Variants in TAOK1 observed in about 807,000 individuals in gnomAD.
TAOK1 encodes the protein serine/threonine-protein kinase TAO1.
TAOK1 carries 21 observed loss-of-function variants against 138.3 expected under a neutral mutation model. The ratio of observed to expected loss-of-function variants is 0.15; its 90% CI spans 0.11 to 0.22. The LOEUF (loss-of-function observed/expected upper bound fraction) is 0.22. Among genes scored for constraint, TAOK1 ranks in the 10% least tolerant of loss-of-function variants. TAOK1 has a pLI of 1.00. For synonymous variants in TAOK1, 361 were observed against 398.4 expected (o/e 0.91, Z 1.12); for missense variants, 651 against 1,227.7 (o/e 0.53, Z 7.02).
At chr17:29,391,499 A>ACCCTTCC (rs1397144247) in intron 1 of TAOK1, among the ~76,000 whole-genome samples, 6 of 151,834 alleles carry the variant, frequency 4.0e-5, no homozygotes, top group Non-Finnish European at 8.8e-5. Flanking sequence ...CTCTCCCCGT[A>ACCCTTCC]CCCTTCCCCC....
At chr17:29,409,236 T>G (rs999460105) in intron 1 of TAOK1, among the ~76,000 whole-genome samples, 2 of 150,904 alleles carry the variant, frequency 1.3e-5, no homozygotes, top group Non-Finnish European at 2.9e-5. Context: ...GATTGATAAT[T>G]GAATTATTTC....
At chr17:29,452,457 A>G (rs1460600533) in intron 2 of TAOK1, among the ~76,000 whole-genome samples, 3 of 152,202 alleles carry the variant, frequency 2.0e-5, no homozygotes, top group African/African-American at 7.2e-5. Flanking sequence ...ATTATTTGAC[A>G]GATATACCAA....
rs1161182320 is a variant in TAOK1 at position 29,551,290 on chromosome 17, AATG to A, written c.*8274_*8276del. 1.3e-5 allele frequency: 2 copies of A among 152,122 alleles called. No homozygotes were observed. The highest frequency in any genetic ancestry group is 1.5e-5 in the Non-Finnish European group (1 of 68,030). 9.4% of individuals were successfully genotyped at this position (152,122 alleles called of 1,614,324 possible). The stretch of plus-strand genomic sequence containing the variant: ...TCTAGTTCCCTTTGGTGAAGGGAAA[AATG>A]ATGATTTTGCAAGACCTAGATTTTG... On this transcript the variant is annotated 3_prime_UTR_variant, in exon 20 of 20. Coordinates refer to ENST00000261716, the MANE Select transcript of TAOK1 (RefSeq NM_020791.4).
chr17:29,503,112 G>T (rs574636906), intron 13 of TAOK1, among the ~76,000 whole-genome samples: 2 of 152,178 alleles, frequency 1.3e-5, no homozygotes, highest in South Asian at 4.1e-4. Flanking sequence ...TAAGAAGAAT[G>T]TGGGCCGGGC....
intron 1 of TAOK1, among the ~76,000 whole-genome samples, chr17:29,431,359 T>C (rs984029737): frequency 4.6e-5 from 7 of 152,092 alleles, no homozygotes; most frequent in Admixed American, 1.3e-4. Context: ...GGAGGATCAC[T>C]TGAGCTCAGG....
chr17:29,423,514 G>C (rs1468751264), intron 1 of TAOK1, among the ~76,000 whole-genome samples: 1 of 151,824 alleles, frequency 6.6e-6, no homozygotes, highest in Non-Finnish European at 1.5e-5. Flanking sequence ...ACTGCGCCCA[G>C]CCTCTTCTAA....
chr17:29,430,001 A>T (rs1169699161), intron 1 of TAOK1, among the ~76,000 whole-genome samples: 3 of 152,206 alleles, frequency 2.0e-5, no homozygotes, highest in Admixed American at 2.0e-4. Context: ...AACTATAATA[A>T]TGTTGAATTT....
chr17:29,489,812 C>A, intron 9 of TAOK1, 55 bp downstream of exon 9: 1 of 1,278,090 alleles, frequency 7.8e-7, no homozygotes, highest in South Asian at 1.5e-5. Flanking sequence ...AATGCTTTTT[C>A]ATAATCTGTT....
At chr17:29,528,756 A>G (rs1337195635) in intron 17 of TAOK1, among the ~76,000 whole-genome samples, 1 of 142,578 alleles carries the variant, frequency 7.0e-6, no homozygotes, top group Non-Finnish European at 1.5e-5. Context: ...AGGAAAATCG[A>G]TTGAACCCAG....
At chr17:29,421,857 C>T (rs1399568331) in intron 1 of TAOK1, among the ~76,000 whole-genome samples, 1 of 151,984 alleles carries the variant, frequency 6.6e-6, no homozygotes, top group Admixed American at 6.6e-5. Context: ...CGCCACTCGG[C>T]TTCCTATAGT....
intron 9 of TAOK1, among the ~76,000 whole-genome samples, chr17:29,490,366 A>G (rs1264437421): frequency 6.6e-6 from 1 of 152,170 alleles, no homozygotes; most frequent in Non-Finnish European, 1.5e-5. Flanking sequence ...ATTTTTATCA[A>G]CAGTATAAAA....
At chr17:29,440,569 A>T (rs9914752) in intron 1 of TAOK1, among the ~76,000 whole-genome samples, 94,107 of 151,536 alleles carry the variant, frequency 0.62, 30,426 homozygotes, top group East Asian at 0.97. Context: ...TGGTTATATC[A>T]ATTACTTTTT....
At chr17:29,508,224 C>T in intron 14 of TAOK1, 92 bp downstream of exon 14, 1 of 1,095,878 alleles carries the variant, frequency 9.1e-7, no homozygotes. Context: ...CGTATCTGTT[C>T]CCGTGAACCA....
intron 12 of TAOK1, among the ~76,000 whole-genome samples, chr17:29,502,372 G>C (rs2031545871): frequency 6.6e-6 from 1 of 152,244 alleles, no homozygotes; most frequent in Non-Finnish European, 1.5e-5. Context: ...TGAAGCTACA[G>C]TGAGCTATGG....
At chr17:29,530,737 A>G (rs1194340646) in intron 18 of TAOK1, 118 bp downstream of exon 18, 5 of 825,530 alleles carry the variant, frequency 6.1e-6, no homozygotes, top group Non-Finnish European at 7.9e-6. Flanking sequence ...AAGCTTGGGA[A>G]ATGTGGTGGT....
chr17:29,504,538 C>T (rs992016242), intron 13 of TAOK1, among the ~76,000 whole-genome samples: 4 of 151,700 alleles, frequency 2.6e-5, no homozygotes, highest in African/African-American at 4.8e-5. Flanking sequence ...GGCGTGATGG[C>T]GGGCACCTGT....
chr17:29,415,556 T>C (rs1905248108), intron 1 of TAOK1, among the ~76,000 whole-genome samples: 1 of 152,230 alleles, frequency 6.6e-6, no homozygotes, highest in Non-Finnish European at 1.5e-5. Context: ...GAAATGGTAC[T>C]TCTTTGTAGT....
chr17:29,537,063 C>G (rs1335922251), intron 19 of TAOK1, among the ~76,000 whole-genome samples: 3 of 152,124 alleles, frequency 2.0e-5, no homozygotes, highest in Non-Finnish European at 4.4e-5. Flanking sequence ...TCAGTATTAT[C>G]ACTAAATGGA....
At chr17:29,395,524 C>T (rs1256450426) in intron 1 of TAOK1, among the ~76,000 whole-genome samples, 2 of 152,084 alleles carry the variant, frequency 1.3e-5, no homozygotes, top group African/African-American at 4.8e-5. Flanking sequence ...GAACAAGACT[C>T]CATCTCAAAA....
Sources: gnomAD v4.1 joint callset for allele counts (sites outside exome capture counted in the v4.1 genomes callset) on GRCh38, gnomAD v4.1.1 for gene constraint, MANE v1.5 for transcripts, NCBI Gene and HGNC (gene_info 2026-07-23, HGNC 2026-07-21) for gene names.